Variants in URB1 observed in about 807,000 individuals in gnomAD.
URB1 encodes nucleolar pre-ribosomal-associated protein 1.
A neutral mutation model predicts 242.3 loss-of-function variants in URB1; 197 were observed. The observed-to-expected ratio is 0.81, with a 90% CI of 0.72 to 0.91. URB1 has a LOEUF of 0.91. Among genes scored for constraint, URB1 ranks in the 40% least tolerant of loss-of-function variants. URB1 has a pLI of 0.00. For missense variants in URB1, 2,721 were observed against 2,860.5 expected (o/e 0.95, Z 1.11); for synonymous variants, 1,153 against 1,201.8 (o/e 0.96, Z 0.84).
chr21:32,357,413 C>A, intron 15 of URB1, 124 bp downstream of exon 15: 5 of 1,079,550 alleles, frequency 4.6e-6, no homozygotes, highest in Non-Finnish European at 3.5e-6. Context: ...ATAAAACCTT[C>A]TATTTTAAAA....
intron 5 of URB1, chr21:32,377,351 C>G (rs1382179936): frequency 2.0e-6 from 1 of 502,770 alleles, no homozygotes; most frequent in Non-Finnish European, 3.9e-6. Flanking sequence ...TTGATGTGTA[C>G]AGCCAAACTT....
rs1601159723 is a variant in URB1 at position 32,384,397 on chromosome 21, T to G, written c.350A>C (p.His117Pro). 6.4e-7 allele frequency: 1 copy of G among 1,552,158 alleles called. No individual in the cohort carries two copies. The highest frequency in any genetic ancestry group is 2.4e-5 in the East Asian group (1 of 40,916). The part of the protein sequence containing the change: ...LRTASDLSHF[H>P]VVGTNIVKKL... ...TTTCACAATGTTGGTTCCCACAACA[T>G]GGAAATGTGAAAGATCACTTGCTGT... The change falls in exon 3 of 39, where the codon CAT (histidine) becomes CCT (proline). Residue 117 changes from histidine to proline, a missense_variant. His to Pro is a moderately conservative substitution (Grantham distance 77). Coordinates refer to ENST00000382751, the MANE Select transcript of URB1 (RefSeq NM_014825.3).
At chr21:32,348,487 G>A (rs947659871) in intron 21 of URB1, among the ~76,000 whole-genome samples, 1 of 152,232 alleles carries the variant, frequency 6.6e-6, no homozygotes, top group Non-Finnish European at 1.5e-5. Flanking sequence ...TGAGCAGAAT[G>A]CAGTTGAGCT....
chr21:32,338,745 G>A lies in URB1; in HGVS notation c.4472C>T (p.Thr1491Met), dbSNP rs931129121. The change falls in exon 26 of 39, where the codon ACG becomes ATG. Residue 1491 changes from threonine to methionine, a missense_variant. Physicochemically the swap from Thr to Met is moderately conservative, Grantham distance 81. Transcript: ENST00000382751. ...QHSLFLPTLL[T>M]SDGEESPDSQ... ...GTCCGGGCTCTCCTCTCCGTCAGAC[G>A]TCAGTAGAGTCGGCAGAAACAGCGA... 21 of 1,551,526 alleles carry A rather than the reference G, an allele frequency of 1.4e-5. No homozygotes were observed. Among genetic ancestry groups the A allele is most frequent in the Middle Eastern group, 1.7e-4 (1 of 5,998 alleles).
Position 32,349,368 on chromosome 21 carries a change from C to A in URB1, c.2948G>T (p.Arg983Leu). 1 of 1,551,464 alleles carries A rather than the reference C, an allele frequency of 6.4e-7. No individual in the cohort carries two copies. The highest frequency in any genetic ancestry group is 8.7e-7 in the Non-Finnish European group (1 of 1,146,956). ...GTCCAGGAAGAGGTCGGCTTCGGCC[C>A]GGGCGGCCTCGCATCTCTGCTGGTT... ...AQNQQRCEAA[R>L]AEADLFLDME... Residue 983 changes from arginine to leucine, a missense_variant, in exon 21 of 39, where the codon CGG becomes CTG. Physicochemically the swap from Arg to Leu is moderately radical, Grantham distance 102 (BLOSUM62 -2). Transcript: ENST00000382751.
At chr21:32,361,517 T>TA (rs372164201) in intron 12 of URB1, among the ~76,000 whole-genome samples, 11 of 146,922 alleles carry the variant, frequency 7.5e-5, no homozygotes, top group Non-Finnish European at 1.4e-4. Context: ...TGAAATACGA[T>TA]ACAGACATAA....
In URB1 at chr21:32,357,315, A is replaced by G. The variant is rs894102725; in HGVS notation, c.1989+222T>C. On this transcript the variant is annotated intron_variant, in intron 15 of 38. Transcript: ENST00000382751. Reference sequence around the variant, plus strand: ...ACAACAAGCTAGAAATGACCTACCTAAAAAAAAAAAAAAAAAACATTTTTC... The same window carrying G: ...ACAACAAGCTAGAAATGACCTACCTGAAAAAAAAAAAAAAAAACATTTTTC... Among the ~76,000 whole-genome samples, 7 of 93,964 alleles carry G rather than the reference A, an allele frequency of 7.4e-5. No individual in the cohort carries two copies. The South Asian group carries it at 1.7e-3, about 23-fold the overall frequency. The allele number at this position is 93,964 out of a possible 152,430, so 61.6% of individuals were successfully genotyped here.
rs1163300954 is a variant in URB1 at position 32,347,016 on chromosome 21, G to C, written c.3808C>G (p.Pro1270Ala). 3 of 1,547,376 alleles carry C rather than the reference G, an allele frequency of 1.9e-6. No individual in the cohort carries two copies. The African/African-American group carries it at 4.1e-5, about 21-fold the overall frequency. Residue 1270 changes from proline (P) to alanine (A), a missense_variant, in exon 22 of 39, where the codon CCC (proline) becomes GCC (alanine). Transcript: ENST00000382751. The stretch of plus-strand genomic sequence containing the variant: ...CACTGGAGGTACACATGGATGAGGG[G>C]AAGGAAGTCGTCCAGGTCCCCCTGG... ...GLQGDLDDFLPLIHVYLQCRT... is the reference protein window; with the variant it reads ...GLQGDLDDFLALIHVYLQCRT...
chr21:32,317,029 G>T lies in URB1; in HGVS notation c.6071C>A (p.Ala2024Asp). The change falls in exon 38 of 39, where the codon GCC (alanine) becomes GAC (aspartate). Residue 2024 changes from alanine (A) to aspartate (D), a missense_variant. Physicochemically the swap from Ala to Asp is moderately radical, Grantham distance 126 (BLOSUM62 -2). Coordinates refer to ENST00000382751, the MANE Select transcript of URB1 (RefSeq NM_014825.3). ...LKDKNKPVMP[A>D]RAKGPRGRKR... Reference sequence around the variant, plus strand: ...TCGGCCCCGTGGGCCTTTGGCTCGGGCTGGCATGACAGGCTTGTTCTTATC... The same window carrying T: ...TCGGCCCCGTGGGCCTTTGGCTCGGTCTGGCATGACAGGCTTGTTCTTATC... 6.5e-7 allele frequency: 1 copy of T among 1,548,842 alleles called. No homozygotes were observed.
rs1430089245 is a variant in URB1, at chr21:32,317,723, TC to T, written c.5986del (p.Glu1996LysfsTer3). ...CTTCTCAATGGCTGCTCTCAGGTCT[TC>T]CTGGAGCTTGAGGTCTCTTTCAATG... is the stretch of plus-strand genomic sequence containing the variant. The part of the protein sequence containing the change: ...SLIERDLKLQ[E>X]DLRAAIEKAQ... On this transcript the variant is annotated frameshift_variant, in exon 37 of 39. Coordinates refer to ENST00000382751, the MANE Select transcript of URB1 (RefSeq NM_014825.3). LOFTEE classifies it high-confidence loss of function. 1 of 1,551,798 alleles carries T rather than the reference TC, an allele frequency of 6.4e-7. No individual in the cohort carries two copies. Among genetic ancestry groups the T allele is most frequent in the East Asian group, 2.4e-5 (1 of 40,912 alleles).
chr21:32,351,027 G>T, intron 19 of URB1, 105 bp from the exon 20 acceptor site: 1 of 1,200,990 alleles, frequency 8.3e-7, no homozygotes, highest in Non-Finnish European at 1.2e-6. Flanking sequence ...TCACAAAGAA[G>T]CACATGCTGA....
Position 32,329,953 on chromosome 21 carries a change from G to A in URB1, c.4960+3364C>T, listed in dbSNP as rs559154288. On this transcript the variant is annotated intron_variant, in intron 30 of 38. Coordinates refer to ENST00000382751, the MANE Select transcript of URB1 (RefSeq NM_014825.3). The stretch of plus-strand genomic sequence containing the variant: ...ATACAGGATGCTGGCCCCTTCTAGG[G>A]AGGAAGGGGCTTGAGGAGCTGCTTA... 9.8e-5 allele frequency among the ~76,000 whole-genome samples: 15 copies of A among 152,298 alleles called. No homozygotes were observed. The South Asian group carries it at 3.1e-3, about 32-fold the overall frequency.
chr21:32,357,331 AAC>A (rs2033233231), intron 15 of URB1, among the ~76,000 whole-genome samples: 2 of 152,100 alleles, frequency 1.3e-5, no homozygotes, highest in Admixed American at 6.5e-5. Context: ...AAAAAAAAAA[AAC>A]ATTTTTCCAA....
At chr21:32,392,342 T>C (rs892283026) in intron 1 of URB1, among the ~76,000 whole-genome samples, 2 of 151,996 alleles carry the variant, frequency 1.3e-5, no homozygotes, top group African/African-American at 4.8e-5. Context: ...ATCAAGTCAG[T>C]ATGAGTGTTG....
At chr21:32,326,310 C>T (rs1393440189) in intron 30 of URB1, among the ~76,000 whole-genome samples, 3 of 152,190 alleles carry the variant, frequency 2.0e-5, no homozygotes, top group Non-Finnish European at 4.4e-5. Context: ...GAACCAAACA[C>T]AAGCCAACTG....
At chr21:32,387,027 T>C (rs562340956) in intron 1 of URB1, among the ~76,000 whole-genome samples, 4 of 152,256 alleles carry the variant, frequency 2.6e-5, no homozygotes, top group South Asian at 4.2e-4. Flanking sequence ...CAAGCATCAG[T>C]TGACATCAGT....
chr21:32,386,214 G>A (rs574163636), intron 1 of URB1, among the ~76,000 whole-genome samples: 2 of 152,086 alleles, frequency 1.3e-5, no homozygotes, highest in South Asian at 4.2e-4. Context: ...TGGAGATATA[G>A]TCTTTTAGGA....
At chr21:32,355,774 A>G (rs1333544587) in intron 15 of URB1, among the ~76,000 whole-genome samples, 2 of 152,068 alleles carry the variant, frequency 1.3e-5, no homozygotes, top group African/African-American at 4.8e-5. Flanking sequence ...ACGTCCAGCT[A>G]ATTTTTCTAA....
chr21:32,374,902 C>T (rs2033442778), intron 6 of URB1, among the ~76,000 whole-genome samples: 2 of 152,178 alleles, frequency 1.3e-5, no homozygotes, highest in African/African-American at 4.8e-5. Context: ...TTCATGTGGA[C>T]TCTGGACAAC....
Sources: gnomAD v4.1 joint callset for allele counts (sites outside exome capture counted in the v4.1 genomes callset) on GRCh38, gnomAD v4.1.1 for gene constraint, MANE v1.5 for transcripts, NCBI Gene and HGNC (gene_info 2026-07-23, HGNC 2026-07-21) for gene names.